Variants in PKD1 observed in about 807,000 individuals in gnomAD.
PKD1 encodes the protein polycystin-1.
In PKD1, 81 loss-of-function variants were observed where a neutral mutation model predicts 361.7. The ratio of observed to expected loss-of-function variants is 0.22; its 90% CI spans 0.19 to 0.27. The LOEUF (loss-of-function observed/expected upper bound fraction) is 0.27. Ranked by LOEUF, PKD1 falls within the 10% of genes least tolerant of loss-of-function variation. The pLI, the probability that PKD1 is intolerant of heterozygous loss-of-function variation, is 1.00. For missense variants in PKD1, 6,399 were observed against 6,118.3 expected, an observed-to-expected ratio of 1.05 and a Z score of -1.53; for synonymous variants, 3,615 against 2,818.3, an observed-to-expected ratio of 1.28 and a Z score of -8.95.
chr16:2,110,860 C>T lies in PKD1; in HGVS notation c.4307G>A (p.Arg1436Gln), dbSNP rs773102552. 2.5e-6 allele frequency: 4 copies of T among 1,611,826 alleles called. No individual in the cohort carries two copies. Among genetic ancestry groups the T allele is most frequent in the African/African-American group, 1.3e-5 (1 of 75,028 alleles). The change falls in exon 15 of 46, where the codon CGA becomes CAA. Residue 1436 changes from arginine to glutamine, a missense_variant. By Grantham distance (43) the Arg-to-Gln change is conservative. Coordinates refer to ENST00000262304, the MANE Select transcript of PKD1 (RefSeq NM_001009944.3). ...ARGPEVTFIY[R>Q]DPGSYLVTVT... ...TGTCACAAGATAGGAGCCTGGGTCT[C>T]GGTAGATGAACGTCACCTCAGGGCC... is the stretch of plus-strand genomic sequence containing the variant.
At chr16:2,090,261 T>G (rs1201413022) in intron 45 of PKD1, 24 bp downstream of exon 45, 1 of 1,606,870 alleles carries the variant, frequency 6.2e-7, no homozygotes, top group Non-Finnish European at 8.5e-7. Flanking sequence ...CGTGTCCCTC[T>G]CCCCCCCACT....
Position 2,089,241 on chromosome 16 carries a change from G to A in PKD1, c.*486C>T, listed in dbSNP as rs999612084. ...GCCCCTCAGCCCTAGTGAAAATAGT[G>A]ACATACAAAAATATACACATTTTAA... On this transcript the variant is annotated 3_prime_UTR_variant, in exon 46 of 46. Coordinates refer to ENST00000262304, the MANE Select transcript of PKD1 (RefSeq NM_001009944.3). 5.7e-6 allele frequency: 1 copy of A among 175,072 alleles called. No homozygotes were observed. The highest frequency in any genetic ancestry group is 1.2e-5 in the Non-Finnish European group (1 of 82,334). 10.8% of individuals were successfully genotyped at this position (175,072 alleles called of 1,614,324 possible).
chr16:2,096,585 G>A (rs1050259821), intron 34 of PKD1, among the ~76,000 whole-genome samples: 5 of 152,020 alleles, frequency 3.3e-5, no homozygotes, highest in African/African-American at 1.2e-4. Context: ...GCGCGATCTC[G>A]GCTCACTACA....
Position 2,110,037 on chromosome 16 carries a change from G to A in PKD1, c.5130C>T (p.Cys1710=), listed in dbSNP as rs765941145. ...CCACAGGCTCCACGAAGTCCATGGT[G>A]CAGTCGGCCCAGGCGCTGCCCAGCA... The part of the protein sequence containing the change: ...TNMLGSAWAD[C]TMDFVEPVGW... The change falls in exon 15 of 46, where the codon TGC becomes TGT. Residue 1710 remains cysteine, a synonymous_variant. Transcript: ENST00000262304. 3.7e-6 allele frequency: 6 copies of A among 1,610,518 alleles called. No individual in the cohort carries two copies. The highest frequency in any genetic ancestry group is 2.7e-5 in the African/African-American group (2 of 74,986).
chr16:2,094,075 G>A lies in PKD1; in HGVS notation c.10618+17C>T, dbSNP rs142954810. 3.4e-5 allele frequency: 54 copies of A among 1,587,994 alleles called. No homozygotes were observed. The African/African-American group carries it at 5.8e-4, about 17-fold the overall frequency. ...ACAGGGAGGGGCTAGGGGCATCCCG[G>A]GGCTACGCAAGCACACCTGTCCTGG... On this transcript the variant is annotated intron_variant, in intron 35 of 45. Transcript: ENST00000262304.
chr16:2,097,890 G>A lies in PKD1; in HGVS notation c.10145C>T (p.Thr3382Met), dbSNP rs776463508. 1.9e-5 allele frequency: 31 copies of A among 1,603,982 alleles called. No individual in the cohort carries two copies. Among genetic ancestry groups the A allele is most frequent in the East Asian group, 4.5e-5 (2 of 44,868 alleles). The change falls in exon 31 of 46, where the codon ACG (threonine) becomes ATG (methionine). Residue 3382 changes from threonine (T) to methionine (M), a missense_variant. Transcript: ENST00000262304. ...CACCTCAGCGTGGAGGCCTGAGAACGTGAGGAAGGAGCTGTCCAGCACGGA... is the reference window on the plus strand; with the variant it reads ...CACCTCAGCGTGGAGGCCTGAGAACATGAGGAAGGAGCTGTCCAGCACGGA... ...DSSVLDSSFL[T>M]FSGLHAEQAF...
chr16:2,110,865 G>A lies in PKD1; in HGVS notation c.4302C>T (p.Ile1434=), dbSNP rs78509585. The A allele has an allele frequency of 1.7e-3, 2,759 of 1,611,846 alleles. 42 individuals carry two copies. The African/African-American group carries it at 0.033, about 19-fold the overall frequency. The change falls in exon 15 of 46, where the codon ATC becomes ATT. Residue 1434 remains isoleucine (I), a synonymous_variant. Transcript: ENST00000262304. ...CAAGATAGGAGCCTGGGTCTCGGTA[G>A]ATGAACGTCACCTCAGGGCCCCTGG... The part of the protein sequence containing the change: ...TRARGPEVTF[I]YRDPGSYLVT...
In PKD1 at chr16:2,088,710, G is replaced by GCAGT. The variant is rs1319785726; in HGVS notation, c.*1013_*1016dup. 38 of 1,447,866 alleles carry GCAGT rather than the reference G, an allele frequency of 2.6e-5. No homozygotes were observed. Among genetic ancestry groups the GCAGT allele is most frequent in the Non-Finnish European group, 3.3e-5 (35 of 1,075,664 alleles). The allele number at this position is 1,447,866 out of a possible 1,614,324, so 89.7% of individuals were successfully genotyped here. On this transcript the variant is annotated 3_prime_UTR_variant, in exon 46 of 46. Coordinates refer to ENST00000262304, the MANE Select transcript of PKD1 (RefSeq NM_001009944.3). ...GTGCACAGACATAGAGGCACAGATT[G>GCAGT]CAGTCAGACAGCTCTTTTATTGACT...
At chr16:2,101,804 G>A (rs1228912773) in intron 26 of PKD1, 3 of 597,288 alleles carry the variant, frequency 5.0e-6, no homozygotes, top group Admixed American at 2.8e-5. Flanking sequence ...CACGTCACTT[G>A]TGGGGCCACG....
Position 2,090,351 on chromosome 16 carries a change from G to A in PKD1, c.12378C>T (p.Asp4126=), listed in dbSNP as rs138149588. Residue 4126 remains aspartate (D), a synonymous_variant, in exon 45 of 46, where the codon GAC becomes GAT. Coordinates refer to ENST00000262304, the MANE Select transcript of PKD1 (RefSeq NM_001009944.3). The part of the protein sequence containing the change: ...ELYRPAWEPQ[D]YEMVELFLRR... ...GCAGGAACAACTCCACCATCTCGTA[G>A]TCCTGGGGCTCCCAGGCCGGCCGGT... The A allele has an allele frequency of 6.2e-7, 1 of 1,612,566 alleles. No individual in the cohort carries two copies. Among genetic ancestry groups the A allele is most frequent in the Non-Finnish European group, 8.5e-7 (1 of 1,179,864 alleles).
Position 2,090,785 on chromosome 16 carries a change from C to A in PKD1, c.12027G>T (p.Val4009=). 1 of 1,612,604 alleles carries A rather than the reference C, an allele frequency of 6.2e-7. No individual in the cohort carries two copies. The highest frequency in any genetic ancestry group is 8.5e-7 in the Non-Finnish European group (1 of 1,179,950). ...LVKAAQQLRF[V]RQWSVFGKTL... ...TCTTGCCAAAGACGGACCACTGGCG[C>A]ACGAAGCGTAGCTGCTGGGCAGCCT... Residue 4009 remains valine (V), a synonymous_variant, in exon 44 of 46, where the codon GTG becomes GTT. Transcript: ENST00000262304.
intron 20 of PKD1, 21 bp downstream of exon 20, chr16:2,105,844 C>A: frequency 6.3e-7 from 1 of 1,593,772 alleles, no homozygotes; most frequent in Non-Finnish European, 8.5e-7. Flanking sequence ...GATGTGACGT[C>A]CCCTCCCAGG....
At chr16:2,098,051 A>C (rs2091919442) in intron 30 of PKD1, 67 bp from the exon 31 acceptor site, 1 of 802,766 alleles carries the variant, frequency 1.2e-6, no homozygotes, top group East Asian at 2.5e-5. Flanking sequence ...ATGAGAAGCC[A>C]CCTCCTCAGC....
At chr16:2,094,597 T>C (rs2091764994) in intron 34 of PKD1, 2 of 334,506 alleles carry the variant, frequency 6.0e-6, no homozygotes, top group Middle Eastern at 9.7e-4. Flanking sequence ...GAGACGCCAG[T>C]GTGTCTGTCC....
In PKD1 at chr16:2,118,363, C is replaced by CA. The variant is rs2092673714; in HGVS notation, c.628dup (p.Cys210LeufsTer51). The CA allele has an allele frequency of 7.4e-7, 1 of 1,345,608 alleles. No homozygotes were observed. Among genetic ancestry groups the CA allele is most frequent in the Non-Finnish European group, 1.0e-6 (1 of 975,122 alleles). The allele number at this position is 1,345,608 out of a possible 1,614,324, so 83.4% of individuals were successfully genotyped here. A position where few individuals can be genotyped will look rare whatever the true frequency, so the allele number is the denominator to read the frequency against. The stretch of plus-strand genomic sequence containing the variant: ...GCCGGTGGAGAAGCAGAAGGCGCTG[C>CA]AGGCCTCTGGCTGAAGCAGGCCTTC... On this transcript the variant is annotated frameshift_variant, in exon 5 of 46. Transcript: ENST00000262304. LOFTEE classifies it high-confidence loss of function. The surrounding 1 kb of genome is among the most constrained non-coding windows in gnomAD (Gnocchi z 6.0).
intron 6 of PKD1, among the ~76,000 whole-genome samples, 177 bp downstream of exon 6, chr16:2,117,312 T>C (rs1216403118): frequency 6.6e-6 from 1 of 152,140 alleles, no homozygotes; most frequent in Non-Finnish European, 1.5e-5. Flanking sequence ...CCCCAGCTCA[T>C]GTCCACCTCT....
intron 1 of PKD1, among the ~76,000 whole-genome samples, chr16:2,122,602 G>A (rs192922071): frequency 3.9e-5 from 6 of 152,346 alleles, no homozygotes; most frequent in South Asian, 2.1e-4. Flanking sequence ...GGCCATTCTC[G>A]AGACAGGGTG....
Position 2,109,770 on chromosome 16 carries a change from C to G in PKD1, c.5397G>C (p.Gln1799His), listed in dbSNP as rs1490710917. ...TGATGCTGAGGCCACTCACAGGCAC[C>G]TGCACATCCACTTCCACGGTGGCGT... is the stretch of plus-strand genomic sequence containing the variant. The part of the protein sequence containing the change: ...SANATVEVDV[Q>H]VPVSGLSIRA... The change falls in exon 15 of 46, where the codon CAG becomes CAC. Residue 1799 changes from glutamine to histidine, a missense_variant. Transcript: ENST00000262304. 6.2e-7 allele frequency: 1 copy of G among 1,609,900 alleles called. No individual in the cohort carries two copies. Among genetic ancestry groups the G allele is most frequent in the Non-Finnish European group, 8.5e-7 (1 of 1,179,556 alleles).
intron 34 of PKD1, among the ~76,000 whole-genome samples, chr16:2,096,375 G>A (rs541892759): frequency 4.8e-4 from 73 of 152,388 alleles, no homozygotes; most frequent in African/African-American, 1.4e-3. Flanking sequence ...GCATGGCAGA[G>A]CCCGGGGTCA....
Sources: gnomAD v4.1 joint callset for allele counts (sites outside exome capture counted in the v4.1 genomes callset) on GRCh38, gnomAD v4.1.1 for gene constraint, Gnocchi (gnomAD v3.1) non-coding constraint, MANE v1.5 for transcripts, NCBI Gene and HGNC (gene_info 2026-07-23, HGNC 2026-07-21) for gene names.